The following CUEDC1 variants were observed in gnomAD, a reference collection of about 807,000 sequenced individuals.
CUEDC1 encodes CUE domain containing 1, also known as CUE domain-containing protein 1.
CUEDC1 carries 30 observed loss-of-function variants against 43.7 expected under a neutral mutation model. The observed-to-expected ratio is 0.69, with a 90% CI of 0.51 to 0.93. The LOEUF is 0.93. Among genes scored for constraint, CUEDC1 ranks in the 40% least tolerant of loss-of-function variants. The pLI is 0.00. For missense variants in CUEDC1, 486 were observed against 549.0 expected, an observed-to-expected ratio of 0.89 and a Z score of 1.15; for synonymous variants, 223 against 223.6, an observed-to-expected ratio of 1.00 and a Z score of 0.02.
At chr17:57,915,557 A>C (rs1331582674) in intron 1 of CUEDC1, among the ~76,000 whole-genome samples, 1 of 152,182 alleles carries the variant, frequency 6.6e-6, no homozygotes, top group African/African-American at 2.4e-5. Context: ...AAGTTAGCAC[A>C]TGAGTTTTGG....
chr17:57,938,432 T>G (rs577685359), intron 1 of CUEDC1, among the ~76,000 whole-genome samples: 1 of 152,212 alleles, frequency 6.6e-6, no homozygotes, highest in Non-Finnish European at 1.5e-5. Flanking sequence ...CCAAGACTTT[T>G]AAATTCTCCC....
intron 1 of CUEDC1, among the ~76,000 whole-genome samples, chr17:57,916,045 T>C (rs1461491337): frequency 6.6e-6 from 1 of 152,212 alleles, no homozygotes; most frequent in African/African-American, 2.4e-5. Flanking sequence ...CGAAGCCTCA[T>C]CTTCTCACGA....
At chr17:57,890,506 C>T (rs562319110) in intron 1 of CUEDC1, among the ~76,000 whole-genome samples, 1 of 152,356 alleles carries the variant, frequency 6.6e-6, no homozygotes, top group South Asian at 2.1e-4. Flanking sequence ...CGGAGGCTGA[C>T]TCAAAGGCTC....
At position 57,885,446 on chromosome 17, in the gene CUEDC1, C is replaced by A; in HGVS notation, c.119G>T (p.Arg40Leu). 1.9e-6 allele frequency: 3 copies of A among 1,597,372 alleles called. No individual in the cohort carries two copies. Among genetic ancestry groups the A allele is most frequent in the Non-Finnish European group, 2.6e-6 (3 of 1,174,064 alleles). Residue 40 changes from arginine to leucine, a missense_variant, in exon 2 of 11, where the codon CGC becomes CTC. Coordinates refer to ENST00000577830, the MANE Select transcript of CUEDC1 (RefSeq NM_001271875.2). Reference sequence around the variant, plus strand: ...GTTGAACTCCAGGCGGCGCACCTGGCGGGCAGGCCGGCTGTTGTTGAGCTC... The same window carrying A: ...GTTGAACTCCAGGCGGCGCACCTGGAGGGCAGGCCGGCTGTTGTTGAGCTC... ...PQELNNSRPA[R>L]QVRRLEFNQA...
chr17:57,918,392 T>A (rs754802157), intron 1 of CUEDC1, among the ~76,000 whole-genome samples: 4 of 152,088 alleles, frequency 2.6e-5, no homozygotes, highest in Non-Finnish European at 4.4e-5. Flanking sequence ...CCCCCAGTCA[T>A]CCCAACCTCA....
intron 1 of CUEDC1, among the ~76,000 whole-genome samples, chr17:57,941,864 G>A (rs957931907): frequency 8.5e-5 from 13 of 152,230 alleles, no homozygotes; most frequent in Non-Finnish European, 1.3e-4. Context: ...GATGGCTGGG[G>A]CCAGGAAGGA....
At chr17:57,884,569 AG>A (rs1169963035) in intron 2 of CUEDC1, among the ~76,000 whole-genome samples, 1 of 152,158 alleles carries the variant, frequency 6.6e-6, no homozygotes, top group Non-Finnish European at 1.5e-5. Flanking sequence ...GGACCCTGAC[AG>A]ATGGTCCTGC....
intron 1 of CUEDC1, among the ~76,000 whole-genome samples, chr17:57,908,460 A>G (rs2074550734): frequency 6.6e-6 from 1 of 152,210 alleles, no homozygotes; most frequent in Admixed American, 6.5e-5. Context: ...TCCCAGGGGC[A>G]CGGTTTCCTG....
rs2144967573 is a variant in CUEDC1 at position 57,885,602 on chromosome 17, C to T, written c.-38G>A. The T allele has an allele frequency of 7.4e-7, 1 of 1,343,868 alleles. No homozygotes were observed. The highest frequency in any genetic ancestry group is 9.5e-7 in the Non-Finnish European group (1 of 1,053,762). The allele number at this position is 1,343,868 out of a possible 1,614,324, so 83.2% of individuals were successfully genotyped here. A position where few individuals can be genotyped will look rare whatever the true frequency, so the allele number is the denominator to read the frequency against. ...CTTGGGGAAAATGTTTCTAGCCGGCCGCAAAGCCCCTTCCCCAGGGTCTTT... is the reference window on the plus strand; with the variant it reads ...CTTGGGGAAAATGTTTCTAGCCGGCTGCAAAGCCCCTTCCCCAGGGTCTTT... On this transcript the variant is annotated 5_prime_UTR_variant, in exon 2 of 11. Transcript: ENST00000577830.
intron 1 of CUEDC1, among the ~76,000 whole-genome samples, chr17:57,909,234 A>G (rs2074559682): frequency 6.6e-6 from 1 of 152,084 alleles, no homozygotes; most frequent in African/African-American, 2.4e-5. Flanking sequence ...CCTGACCTCA[A>G]TCTGCCCGCC....
At chr17:57,926,157 A>G (rs2074745233) in intron 1 of CUEDC1, among the ~76,000 whole-genome samples, 1 of 152,198 alleles carries the variant, frequency 6.6e-6, no homozygotes, top group East Asian at 1.9e-4. Context: ...AAGTTGCGAG[A>G]GGGGCAGAGT....
intron 1 of CUEDC1, among the ~76,000 whole-genome samples, chr17:57,946,706 C>T (rs2120194): frequency 0.53 from 80,545 of 151,992 alleles, 24,596 homozygotes; most frequent in East Asian, 0.97. Context: ...ATCCACCCGG[C>T]CCAGGCAATC....
chr17:57,891,606 G>A (rs1019027844), intron 1 of CUEDC1, among the ~76,000 whole-genome samples: 8 of 152,194 alleles, frequency 5.3e-5, no homozygotes, highest in Admixed American at 2.6e-4. Flanking sequence ...ATGTCACCTC[G>A]CTGTCATATG....
chr17:57,865,058 AAATGAATG>A lies in CUEDC1; in HGVS notation c.*3+1408_*3+1415del, dbSNP rs140245915. Among the ~76,000 whole-genome samples the A allele has an allele frequency of 4.9e-3, 739 of 151,716 alleles. 28 individuals are homozygous for A. Among genetic ancestry groups the A allele is most frequent in the Admixed American group, 0.043 (654 of 15,214 alleles). ...GGCAACAGAGCGAGACTCTGTCTCA[AAATGAATG>A]AATGAATGAATGAATGAATGAATGA... On this transcript the variant is annotated intron_variant, in intron 10 of 10. Transcript: ENST00000577830.
chr17:57,911,936 C>A (rs533202717), intron 1 of CUEDC1, among the ~76,000 whole-genome samples: 1 of 152,360 alleles, frequency 6.6e-6, no homozygotes, highest in East Asian at 1.9e-4. Flanking sequence ...CATTCACAAA[C>A]AGACTTCTAA....
At chr17:57,906,357 A>C (rs991933389) in intron 1 of CUEDC1, among the ~76,000 whole-genome samples, 1 of 152,278 alleles carries the variant, frequency 6.6e-6, no homozygotes, top group Non-Finnish European at 1.5e-5. Flanking sequence ...AGCCAGACAT[A>C]GAAGTACAAA....
At chr17:57,866,631 C>T (rs2073963649) in intron 9 of CUEDC1, 87 bp from the exon 10 acceptor site, 2 of 1,327,158 alleles carry the variant, frequency 1.5e-6, no homozygotes, top group African/African-American at 2.9e-5. Context: ...AGAGCTGACC[C>T]GACTCTCTCT....
intron 3 of CUEDC1, among the ~76,000 whole-genome samples, chr17:57,876,910 C>T (rs555053976): frequency 6.6e-6 from 1 of 152,342 alleles, no homozygotes; most frequent in South Asian, 2.1e-4. Flanking sequence ...TCATTCAATC[C>T]TCCTAACAGT....
chr17:57,905,249 GACACACAC>G lies in CUEDC1; in HGVS notation c.-315-19378_-315-19371del, dbSNP rs761744709. ...GGCTACAGCTTCTCTCTCTCTCTCT[GACACACAC>G]ACACACACACACACACACACACACA... On this transcript the variant is annotated intron_variant, in intron 1 of 10. Transcript: ENST00000577830. 6.0e-3 allele frequency among the ~76,000 whole-genome samples: 765 copies of G among 128,008 alleles called. 8 individuals are homozygous for G. Among genetic ancestry groups the G allele is most frequent in the African/African-American group, 0.019 (642 of 33,692 alleles). 84.0% of individuals were successfully genotyped at this position (128,008 alleles called of 152,430 possible). A position where few individuals can be genotyped will look rare whatever the true frequency, so the allele number is the denominator to read the frequency against.
Sources: gnomAD v4.1 joint callset for allele counts (sites outside exome capture counted in the v4.1 genomes callset) on GRCh38, gnomAD v4.1.1 for gene constraint, MANE v1.5 for transcripts, NCBI Gene and HGNC (gene_info 2026-07-23, HGNC 2026-07-21) for gene names.